The following PUS7 variants were observed in gnomAD, a reference collection of about 807,000 sequenced individuals.
PUS7 encodes the protein pseudouridylate synthase 7 homolog.
Under a neutral mutation model 79.8 loss-of-function variants are expected in PUS7, and 48 were observed. The observed-to-expected ratio is 0.60, with a 90% confidence interval of 0.48 to 0.76. The LOEUF is 0.76. PUS7 is among the 30% of genes least tolerant of loss of function. The pLI is 0.00. For missense variants in PUS7, 729 were observed against 797.6 expected (o/e 0.91, Z 1.04); for synonymous variants, 286 against 272.2 (o/e 1.05, Z -0.50).
rs563843960 is a variant in PUS7 at position 105,501,502 on chromosome 7, T to C, written c.730+918A>G. Among the ~76,000 whole-genome samples, 31 of 152,296 alleles carry C rather than the reference T, an allele frequency of 2.0e-4. No individual in the cohort carries two copies. The South Asian group carries it at 6.0e-3, about 30-fold the overall frequency. On this transcript the variant is annotated intron_variant, in intron 5 of 15. Transcript: ENST00000469408. ...AAATATCAGTGACTCACTGGGACTA[T>C]GCCCATTTCAAATGAATGATACACA...
intron 6 of PUS7, among the ~76,000 whole-genome samples, chr7:105,492,078 A>G (rs1253592046): frequency 6.6e-6 from 1 of 150,600 alleles, no homozygotes; most frequent in Non-Finnish European, 1.5e-5. Context: ...AAAATCTACT[A>G]AAACAACATA....
Position 105,481,135 on chromosome 7 carries a change from G to A in PUS7, c.1092C>T (p.Asn364=), listed in dbSNP as rs777679399. 1.2e-6 allele frequency: 2 copies of A among 1,611,596 alleles called. No homozygotes were observed. Among genetic ancestry groups the A allele is most frequent in the Admixed American group, 1.7e-5 (1 of 59,756 alleles). ...GTDDQVQQAM[N]SLKEIGFINY... The stretch of plus-strand genomic sequence containing the variant: ...TAATAAATCCAATCTCCTTGAGAGA[G>A]TTCATAGCTTGCTGTACTTGGTCAT... Residue 364 remains asparagine, a synonymous_variant, in exon 9 of 16, where the codon AAC becomes AAT. Transcript: ENST00000469408.
In PUS7 at chr7:105,471,792, A is replaced by C. The variant is rs1266696177; in HGVS notation, c.1237+340T>G. On this transcript the variant is annotated intron_variant, in intron 10 of 15. Transcript: ENST00000469408. ...CCAGGCATGGTGCTGCAAGCCTGTA[A>C]TCCCAGCTACTCAGGAGGCTGAGGC... Among the ~76,000 whole-genome samples the C allele has an allele frequency of 2.0e-5, 3 of 152,072 alleles. No homozygotes were observed. The East Asian group carries it at 5.8e-4, about 29-fold the overall frequency.
intron 15 of PUS7, 96 bp from the exon 16 acceptor site, chr7:105,458,022 C>T: frequency 7.1e-7 from 1 of 1,411,850 alleles, no homozygotes; most frequent in Non-Finnish European, 9.5e-7. Flanking sequence ...AAGAACTGTG[C>T]TGCTTTCCTT....
chr7:105,475,475 G>A (rs935523158), intron 9 of PUS7, among the ~76,000 whole-genome samples: 19 of 150,746 alleles, frequency 1.3e-4, no homozygotes, highest in Non-Finnish European at 7.4e-5. Context: ...GTCAGCCACC[G>A]TGCCAGGCCA....
intron 9 of PUS7, among the ~76,000 whole-genome samples, chr7:105,476,891 A>G (rs1031591091): frequency 9.2e-5 from 14 of 152,126 alleles, no homozygotes; most frequent in African/African-American, 3.4e-4. Flanking sequence ...ATCTTTGGAA[A>G]CACATTTATT....
chr7:105,509,458 T>C (rs1458052938), intron 1 of PUS7, among the ~76,000 whole-genome samples: 1 of 151,992 alleles, frequency 6.6e-6, no homozygotes, highest in Non-Finnish European at 1.5e-5. Context: ...GCTCTAAGGA[T>C]ATTCATCTCC....
At chr7:105,487,057 T>C (rs930705990) in intron 7 of PUS7, among the ~76,000 whole-genome samples, 2 of 152,002 alleles carry the variant, frequency 1.3e-5, no homozygotes, top group African/African-American at 4.8e-5. Context: ...CGAGACCCTG[T>C]ATCAAAAAAT....
chr7:105,522,270 C>T lies in PUS7; in HGVS notation c.-251G>A, dbSNP rs1192255305. On this transcript the variant is annotated 5_prime_UTR_variant, in exon 1 of 16. Transcript: ENST00000469408. ...GGCGCAGCGACGCGCCGCGGCCCGA[C>T]TGGACCCGCCCCGGGGGCGGAGTCC... 2 of 151,812 alleles carry T rather than the reference C, an allele frequency of 1.3e-5. No individual in the cohort carries two copies. The highest frequency in any genetic ancestry group is 2.4e-5 in the African/African-American group (1 of 41,396). The allele number at this position is 151,812 out of a possible 1,614,324, so 9.4% of individuals were successfully genotyped here.
intron 1 of PUS7, among the ~76,000 whole-genome samples, chr7:105,509,280 T>C (rs569940417): frequency 6.6e-6 from 1 of 150,690 alleles, no homozygotes; most frequent in African/African-American, 2.4e-5. Context: ...AAATCATTTA[T>C]AGAAATAATT....
intron 5 of PUS7, among the ~76,000 whole-genome samples, chr7:105,501,740 G>A (rs905462981): frequency 6.6e-6 from 1 of 151,950 alleles, no homozygotes; most frequent in Non-Finnish European, 1.5e-5. Context: ...TGGATCACGA[G>A]GTCAGGAGAT....
At chr7:105,482,633 G>C (rs1824372770) in intron 7 of PUS7, among the ~76,000 whole-genome samples, 193 bp from the exon 8 acceptor site, 1 of 152,002 alleles carries the variant, frequency 6.6e-6, no homozygotes, top group African/African-American at 2.4e-5. Context: ...CAGTGTAATG[G>C]TACGTGCTCC....
chr7:105,461,393 T>C (rs1234750580), intron 14 of PUS7, among the ~76,000 whole-genome samples: 2 of 152,154 alleles, frequency 1.3e-5, no homozygotes, highest in Non-Finnish European at 2.9e-5. Flanking sequence ...CTTTATTTCT[T>C]TTCTTTTTTT....
At chr7:105,490,735 G>GA (rs2133172887) in intron 7 of PUS7, among the ~76,000 whole-genome samples, 1 of 152,156 alleles carries the variant, frequency 6.6e-6, no homozygotes, top group South Asian at 2.1e-4. Context: ...TTTTGGTTTG[G>GA]AAAAAACAAT....
At chr7:105,481,734 C>CT (rs60700481) in intron 8 of PUS7, among the ~76,000 whole-genome samples, 5,862 of 143,004 alleles carry the variant, frequency 0.041, 143 homozygotes, top group African/African-American at 0.061. Context: ...GGCTCAGTGT[C>CT]TTTTTTTTTT....
At chr7:105,505,894 C>T (rs1586168478) in intron 4 of PUS7, 61 bp downstream of exon 4, 1 of 1,304,274 alleles carries the variant, frequency 7.7e-7, no homozygotes, top group Admixed American at 1.9e-5. Context: ...AAACACTTAA[C>T]ATCCACCCAA....
chr7:105,460,642 C>G (rs1010896286), intron 14 of PUS7, among the ~76,000 whole-genome samples: 8 of 151,580 alleles, frequency 5.3e-5, no homozygotes, highest in African/African-American at 1.9e-4. Flanking sequence ...ATCACGAGGT[C>G]AGGAGATCGA....
chr7:105,500,345 G>A (rs1825197025), intron 5 of PUS7, among the ~76,000 whole-genome samples: 1 of 152,122 alleles, frequency 6.6e-6, no homozygotes, highest in Non-Finnish European at 1.5e-5. Flanking sequence ...CAGAGAAAAT[G>A]TGGATAAAAA....
chr7:105,466,811 G>A (rs757359579), intron 12 of PUS7, among the ~76,000 whole-genome samples: 1 of 151,458 alleles, frequency 6.6e-6, no homozygotes, highest in Non-Finnish European at 1.5e-5. Flanking sequence ...GCGGCACCCA[G>A]GACATTAAAA....
Sources: allele counts gnomAD v4.1 joint callset (sites outside exome capture counted in the v4.1 genomes callset), GRCh38; gene constraint gnomAD v4.1.1; transcripts MANE v1.5; gene names NCBI Gene and HGNC (gene_info 2026-07-23, HGNC 2026-07-21).